Variants in CYP2J2 observed in about 807,000 individuals in gnomAD.
CYP2J2 encodes cytochrome P450 2J2.
CYP2J2 carries 41 observed loss-of-function variants against 48.8 expected under a neutral mutation model. The ratio of observed to expected loss-of-function variants is 0.84; its 90% CI spans 0.66 to 1.09. The LOEUF (loss-of-function observed/expected upper bound fraction) is 1.09, where lower values mean the gene tolerates loss of function less well. CYP2J2 is among the 50% of genes least tolerant of loss of function. The pLI is 0.00. For synonymous variants in CYP2J2, 221 were observed against 227.1 expected (o/e 0.97, Z 0.24); for missense variants, 644 against 617.3 (o/e 1.04, Z -0.46).
At chr1:59,965,849 G>A in the CYP2J2 span, among the ~76,000 whole-genome samples, 4 of 151,958 alleles carry the variant, frequency 2.6e-5, no homozygotes, top group African/African-American at 9.7e-5. Flanking sequence ...ACGGGGCTTC[G>A]TCATGTTGGT....
intron 7 of CYP2J2, among the ~76,000 whole-genome samples, chr1:59,902,606 G>A (rs1245957532): frequency 6.6e-6 from 1 of 151,922 alleles, no homozygotes; most frequent in African/African-American, 2.4e-5. Context: ...AGTAGAGACG[G>A]TTTTCACCAT....
chr1:59,916,486 C>G (rs1217760582), intron 1 of CYP2J2, among the ~76,000 whole-genome samples: 2 of 152,198 alleles, frequency 1.3e-5, no homozygotes, highest in Non-Finnish European at 2.9e-5. Context: ...GTAATCCCAA[C>G]ACGTTGGGGG....
chr1:59,897,997 T>G (rs1396295935), intron 8 of CYP2J2, among the ~76,000 whole-genome samples: 1 of 152,188 alleles, frequency 6.6e-6, no homozygotes, highest in African/African-American at 2.4e-5. Flanking sequence ...CCTGATCCAT[T>G]TAAATGGTCC....
At chr1:59,904,814 T>G (rs1574249415) in intron 7 of CYP2J2, 57 bp downstream of exon 7, 3 of 1,436,858 alleles carry the variant, frequency 2.1e-6, no homozygotes, top group South Asian at 1.2e-5. Flanking sequence ...AAATGTCACT[T>G]CTCAAGTTCA....
chr1:59,935,001 TATATATATATATAC>T, the CYP2J2 span, among the ~76,000 whole-genome samples: 241 of 46,160 alleles, frequency 5.2e-3, 7 homozygotes, highest in African/African-American at 5.9e-3. Context: ...TATATATATA[TATATATATATATAC>T]ATATATATAT....
upstream of CYP2J2, among the ~76,000 whole-genome samples, chr1:59,927,876 T>A (rs978439040): frequency 1.3e-5 from 2 of 152,096 alleles, no homozygotes; most frequent in Non-Finnish European, 2.9e-5. Context: ...GAAATGAGAG[T>A]TGAAGTCTCT....
At chr1:59,907,329 C>T (rs929346873) in intron 6 of CYP2J2, among the ~76,000 whole-genome samples, 1 of 152,114 alleles carries the variant, frequency 6.6e-6, no homozygotes, top group Non-Finnish European at 1.5e-5. Flanking sequence ...AGTGACGTGT[C>T]ACTTAGTGAG....
intron 7 of CYP2J2, among the ~76,000 whole-genome samples, chr1:59,902,429 C>G (rs1559072941): frequency 6.7e-6 from 1 of 149,520 alleles, no homozygotes; most frequent in Admixed American, 6.7e-5. Flanking sequence ...TTAGTAATAA[C>G]TTTTTTTTTT....
chr1:59,896,464 T>C (rs1207583525), intron 8 of CYP2J2, among the ~76,000 whole-genome samples: 2 of 152,068 alleles, frequency 1.3e-5, no homozygotes, highest in African/African-American at 4.8e-5. Flanking sequence ...AAGTTCGATT[T>C]TCTCCCTTTC....
upstream of CYP2J2, among the ~76,000 whole-genome samples, chr1:59,927,971 G>A (rs984879932): frequency 6.6e-6 from 1 of 152,106 alleles, no homozygotes; most frequent in African/African-American, 2.4e-5. Context: ...TTTTACTACA[G>A]CTGTTATGCA....
chr1:59,914,164 T>C (rs891331377), intron 2 of CYP2J2, among the ~76,000 whole-genome samples: 8 of 152,236 alleles, frequency 5.3e-5, no homozygotes, highest in African/African-American at 1.9e-4. Flanking sequence ...AGGCTTCTAT[T>C]ATAGTTAACT....
the CYP2J2 span, among the ~76,000 whole-genome samples, chr1:59,940,226 A>G: frequency 1.3e-5 from 2 of 152,200 alleles, no homozygotes. Flanking sequence ...CCCAAGGCCC[A>G]CAGTTTACTA....
chr1:59,934,746 G>A, the CYP2J2 span, among the ~76,000 whole-genome samples: 2 of 151,596 alleles, frequency 1.3e-5, no homozygotes, highest in African/African-American at 4.8e-5. Context: ...GAATCCTTGT[G>A]CACTGTTGGT....
rs572978491 is a variant in CYP2J2 at position 59,906,117 on chromosome 1, C to T, written c.1004-1059G>A. Among the ~76,000 whole-genome samples, 603 of 152,264 alleles carry T rather than the reference C, an allele frequency of 4.0e-3. 3 individuals carry two copies. Among genetic ancestry groups the T allele is most frequent in the African/African-American group, 0.014 (575 of 41,550 alleles). ...AGGAGAATGGCATGAACCCAGGAGG[C>T]AGAGCTTGCAGTGAGCCGAGATGGT... On this transcript the variant is annotated intron_variant, in intron 6 of 8. Coordinates refer to ENST00000371204, the MANE Select transcript of CYP2J2 (RefSeq NM_000775.4).
At chr1:59,945,444 C>A in the CYP2J2 span, among the ~76,000 whole-genome samples, 6 of 139,944 alleles carry the variant, frequency 4.3e-5, no homozygotes, top group Non-Finnish European at 7.8e-5. Flanking sequence ...CTATCTATCT[C>A]TCTATCTATC....
intron 8 of CYP2J2, among the ~76,000 whole-genome samples, chr1:59,898,411 A>G (rs1198442254): frequency 4.6e-5 from 7 of 152,182 alleles, no homozygotes; most frequent in Non-Finnish European, 7.3e-5. Flanking sequence ...AAGATATCCT[A>G]TATCAGCCAT....
At chr1:59,944,334 C>G in the CYP2J2 span, among the ~76,000 whole-genome samples, 2 of 152,102 alleles carry the variant, frequency 1.3e-5, no homozygotes, top group Non-Finnish European at 2.9e-5. Flanking sequence ...GAGATCCTCC[C>G]GCCTCAGCTC....
chr1:59,920,897 T>C (rs1198949821), intron 1 of CYP2J2, among the ~76,000 whole-genome samples: 1 of 152,214 alleles, frequency 6.6e-6, no homozygotes, highest in Non-Finnish European at 1.5e-5. Context: ...CTAAAATTAA[T>C]AATAAAATTA....
intron 2 of CYP2J2, 64 bp downstream of exon 2, chr1:59,915,874 G>T (rs1337386057): frequency 6.8e-7 from 1 of 1,475,132 alleles, no homozygotes. Flanking sequence ...TCACCAAGGT[G>T]CCTTTAACAG....
Sources: allele counts gnomAD v4.1 joint callset (sites outside exome capture counted in the v4.1 genomes callset), GRCh38; gene constraint gnomAD v4.1.1; transcripts MANE v1.5; gene names NCBI Gene and HGNC (gene_info 2026-07-23, HGNC 2026-07-21).